The following ROBO2 variants were observed in gnomAD, a reference collection of about 807,000 sequenced individuals.
The protein encoded by ROBO2 is roundabout guidance receptor 2, also known as roundabout homolog 2.
A neutral mutation model predicts 160.8 loss-of-function variants in ROBO2; 53 were observed. That is an observed-to-expected ratio of 0.33 (90% confidence interval 0.26 to 0.41). ROBO2 has a LOEUF of 0.41. Ranked by LOEUF, ROBO2 falls within the 10% of genes least tolerant of loss-of-function variation. The pLI is 1.00. For missense variants in ROBO2, 1,577 were observed against 1,722.4 expected (o/e 0.92, Z 1.49); for synonymous variants, 664 against 611.7 (o/e 1.09, Z -1.26).
At chr3:77,605,890 A>G (rs1433466718) in intron 20 of ROBO2, among the ~76,000 whole-genome samples, 7 of 152,182 alleles carry the variant, frequency 4.6e-5, no homozygotes, top group Non-Finnish European at 4.4e-5. Context: ...ATATATAAAT[A>G]AATAAGGAAT....
intron 24 of ROBO2, among the ~76,000 whole-genome samples, chr3:77,640,096 C>CTTTTTTTTTTTTTTTTT (rs1559785171): frequency 1.4e-4 from 14 of 97,478 alleles, no homozygotes; most frequent in Middle Eastern, 0.015. Context: ...GCAGAGGAAG[C>CTTTTTTTTTTTTTTTTT]ATTTTTTTTT....
chr3:77,441,191 T>C (rs2079886710), intron 2 of ROBO2, among the ~76,000 whole-genome samples: 1 of 152,016 alleles, frequency 6.6e-6, no homozygotes, highest in South Asian at 2.1e-4. Context: ...CAGCCCCTTT[T>C]CATTTTTGCT....
At chr3:77,490,902 C>T (rs976629459) in intron 4 of ROBO2, among the ~76,000 whole-genome samples, 2 of 152,166 alleles carry the variant, frequency 1.3e-5, no homozygotes, top group African/African-American at 2.4e-5. Context: ...CTTACAAGAA[C>T]GCTTTGACCT....
chr3:77,199,352 T>C (rs920483551), intron 2 of ROBO2, among the ~76,000 whole-genome samples: 1 of 152,150 alleles, frequency 6.6e-6, no homozygotes, highest in African/African-American at 2.4e-5. Flanking sequence ...GTTGGGGAAA[T>C]AGGGATGTTG....
chr3:76,918,044 A>G (rs1390075563), intron 2 of ROBO2, among the ~76,000 whole-genome samples: 1 of 152,214 alleles, frequency 6.6e-6, no homozygotes, highest in Non-Finnish European at 1.5e-5. Flanking sequence ...AAATGAAAGC[A>G]TGGATCCCCT....
chr3:77,109,404 A>T (rs2073276255), intron 2 of ROBO2, among the ~76,000 whole-genome samples: 1 of 152,194 alleles, frequency 6.6e-6, no homozygotes, highest in African/African-American at 2.4e-5. Flanking sequence ...ACATGAAAAT[A>T]TTAACAAAAC....
chr3:77,441,696 G>A (rs1026824713), intron 2 of ROBO2, among the ~76,000 whole-genome samples: 1 of 152,084 alleles, frequency 6.6e-6, no homozygotes, highest in East Asian at 1.9e-4. Flanking sequence ...GAAGATAAAT[G>A]TCTTTAGTCA....
chr3:77,017,265 C>A (rs897673528), intron 2 of ROBO2, among the ~76,000 whole-genome samples: 3 of 152,094 alleles, frequency 2.0e-5, no homozygotes, highest in Non-Finnish European at 2.9e-5. Context: ...TGTGACCTTT[C>A]GTCTTTTAAA....
intron 2 of ROBO2, among the ~76,000 whole-genome samples, chr3:76,528,690 G>T (rs2108013380): frequency 6.6e-6 from 1 of 152,120 alleles, no homozygotes. Flanking sequence ...GCATATGTAG[G>T]TTTCTCATTA....
At chr3:76,695,865 G>A (rs998899414) in intron 2 of ROBO2, among the ~76,000 whole-genome samples, 1 of 152,062 alleles carries the variant, frequency 6.6e-6, no homozygotes, top group Non-Finnish European at 1.5e-5. Flanking sequence ...ATAATACACT[G>A]CCTCTGTCAA....
intron 2 of ROBO2, among the ~76,000 whole-genome samples, chr3:76,142,238 A>G (rs1412686403): frequency 1.3e-5 from 2 of 152,028 alleles, no homozygotes; most frequent in Non-Finnish European, 2.9e-5. Flanking sequence ...AGTGATTGAC[A>G]TTATGGAGAA....
At position 76,375,770 on chromosome 3, in the gene ROBO2, G is replaced by A. The variant is rs1487021925; in HGVS notation, c.109+438168G>A. Among the ~76,000 whole-genome samples, 4 of 152,014 alleles carry A rather than the reference G, an allele frequency of 2.6e-5. No homozygotes were observed. In the East Asian group the frequency reaches 7.7e-4, roughly 29 times the overall value. On this transcript the variant is annotated intron_variant, in intron 2 of 26. Coordinates refer to the ROBO2 transcript ENST00000487694. Reference sequence around the variant, plus strand: ...AACTAGAAAGTAATTTAGTCTCTTTGAGAAATTTTTCTAAAGCATAAGTCA... The same window carrying A: ...AACTAGAAAGTAATTTAGTCTCTTTAAGAAATTTTTCTAAAGCATAAGTCA...
At chr3:77,224,122 T>A (rs1323906889) in intron 2 of ROBO2, among the ~76,000 whole-genome samples, 6 of 152,032 alleles carry the variant, frequency 3.9e-5, no homozygotes, top group Non-Finnish European at 1.5e-5. Context: ...TAGTAGTCTA[T>A]TAATTTTAAA....
chr3:76,140,341 A>C (rs1217488181), intron 2 of ROBO2, among the ~76,000 whole-genome samples: 1 of 152,032 alleles, frequency 6.6e-6, no homozygotes, highest in Non-Finnish European at 1.5e-5. Flanking sequence ...TTTTTGGGTA[A>C]AAATGAATAA....
At chr3:77,508,806 A>AT (rs2088959684) in intron 5 of ROBO2, among the ~76,000 whole-genome samples, 1 of 152,106 alleles carries the variant, frequency 6.6e-6, no homozygotes. Context: ...TTTATCTTAA[A>AT]ATTTTTTTAA....
chr3:76,385,133 T>C (rs192085443), intron 2 of ROBO2, among the ~76,000 whole-genome samples: 1 of 152,050 alleles, frequency 6.6e-6, no homozygotes, highest in Admixed American at 6.6e-5. Flanking sequence ...TAGCTGGGAA[T>C]ACAGGCATGC....
chr3:77,591,469 G>T (rs2153685258), intron 17 of ROBO2, among the ~76,000 whole-genome samples: 1 of 152,244 alleles, frequency 6.6e-6, no homozygotes. Flanking sequence ...GGTAATATTA[G>T]AGTTACTTTT....
chr3:77,191,998 T>C (rs914481919), intron 2 of ROBO2, among the ~76,000 whole-genome samples: 1 of 152,150 alleles, frequency 6.6e-6, no homozygotes, highest in African/African-American at 2.4e-5. Context: ...ACAGTTCTGT[T>C]TGGGGAAGCA....
intron 2 of ROBO2, among the ~76,000 whole-genome samples, chr3:76,965,785 G>GTA (rs62885160): frequency 0.028 from 3,634 of 129,148 alleles, 69 homozygotes; most frequent in Middle Eastern, 0.055. Context: ...TTGTGTTTGT[G>GTA]TATATATATA....
Sources: gnomAD v4.1 joint callset for allele counts (sites outside exome capture counted in the v4.1 genomes callset) on GRCh38, gnomAD v4.1.1 for gene constraint, MANE v1.5 for transcripts, NCBI Gene and HGNC (gene_info 2026-07-23, HGNC 2026-07-21) for gene names.